DDX10: variants seen among roughly 807,000 people sequenced by gnomAD.
The protein encoded by DDX10 is DEAD-box helicase 10, also known as probable ATP-dependent RNA helicase DDX10.
In DDX10, 74 loss-of-function variants were observed where a neutral mutation model predicts 104.3. The ratio of observed to expected loss-of-function variants is 0.71; its 90% CI spans 0.59 to 0.86. The LOEUF (loss-of-function observed/expected upper bound fraction) is 0.86. DDX10 is among the 40% of genes least tolerant of loss of function. The pLI is 0.00. For synonymous variants in DDX10, 351 were observed against 353.4 expected, an observed-to-expected ratio of 0.99 and a Z score of 0.08; for missense variants, 952 against 1,040.0, an observed-to-expected ratio of 0.92 and a Z score of 1.16.
chr11:108,692,786 T>C (rs1328553563), intron 8 of DDX10, among the ~76,000 whole-genome samples: 1 of 152,192 alleles, frequency 6.6e-6, no homozygotes, highest in Non-Finnish European at 1.5e-5. Flanking sequence ...TACAGTAGCA[T>C]GATCATAGCT....
rs550934605 is a variant in DDX10 at position 108,810,973 on chromosome 11, T to A, written c.1966-27473T>A. On this transcript the variant is annotated intron_variant, in intron 13 of 17. Coordinates refer to ENST00000322536, the MANE Select transcript of DDX10 (RefSeq NM_004398.4). ...TACTTTTTCTCATAGTACTTAAACATTCTTATCATTTTTCCTTGTCTATCT... is the reference window on the plus strand; with the variant it reads ...TACTTTTTCTCATAGTACTTAAACAATCTTATCATTTTTCCTTGTCTATCT... Among the ~76,000 whole-genome samples the A allele has an allele frequency of 2.0e-5, 3 of 152,278 alleles. No individual in the cohort carries two copies. The East Asian group carries it at 5.8e-4, about 29-fold the overall frequency.
intron 16 of DDX10, among the ~76,000 whole-genome samples, chr11:108,860,316 C>G (rs1050501774): frequency 1.3e-5 from 2 of 152,048 alleles, no homozygotes; most frequent in African/African-American, 2.4e-5. Flanking sequence ...ATTCAGAGTA[C>G]TTTTTTGTCT....
intron 16 of DDX10, among the ~76,000 whole-genome samples, chr11:108,873,699 A>G (rs1027474777): frequency 4.0e-4 from 61 of 152,348 alleles, no homozygotes; most frequent in African/African-American, 1.4e-3. Flanking sequence ...TCCAAGAAGG[A>G]GAATTCAGAC....
At chr11:108,872,827 C>T (rs1019940549) in intron 16 of DDX10, among the ~76,000 whole-genome samples, 4 of 150,276 alleles carry the variant, frequency 2.7e-5, no homozygotes, top group Admixed American at 1.3e-4. Flanking sequence ...CGTTCCCCCC[C>T]CCTCCCATTT....
At chr11:108,692,731 T>G (rs1460864048) in intron 8 of DDX10, among the ~76,000 whole-genome samples, 4 of 152,164 alleles carry the variant, frequency 2.6e-5, no homozygotes, top group Non-Finnish European at 5.9e-5. Context: ...CTTGGAGTAC[T>G]CTAAAGCATA....
intron 17 of DDX10, among the ~76,000 whole-genome samples, chr11:108,927,635 C>CTTTTTTTTTTT (rs147115643): frequency 6.8e-6 from 1 of 146,512 alleles, no homozygotes; most frequent in African/African-American, 2.5e-5. Context: ...GCACTTGGAA[C>CTTTTTTTTTTT]TTTTTTTTTT....
intron 13 of DDX10, among the ~76,000 whole-genome samples, chr11:108,830,130 T>A (rs1332926073): frequency 1.3e-5 from 2 of 152,246 alleles, no homozygotes; most frequent in Non-Finnish European, 1.5e-5. Flanking sequence ...GGAGTTGCAT[T>A]GAATTTGTAG....
intron 13 of DDX10, among the ~76,000 whole-genome samples, chr11:108,754,083 T>C (rs1565268373): frequency 6.6e-6 from 1 of 152,076 alleles, no homozygotes. Context: ...GTTTTGATGC[T>C]GATTTATGTT....
chr11:108,751,375 A>G lies in DDX10; in HGVS notation c.1965+27913A>G, dbSNP rs530453365. 7.9e-5 allele frequency among the ~76,000 whole-genome samples: 12 copies of G among 152,298 alleles called. No individual in the cohort carries two copies. In the South Asian group the frequency reaches 2.3e-3, roughly 29 times the overall value. ...TTTACTTTATTTACAAGATTTTGTT[A>G]TAATCAAATGAAACTTTCCATGAGT... On this transcript the variant is annotated intron_variant, in intron 13 of 17. Coordinates refer to ENST00000322536, the MANE Select transcript of DDX10 (RefSeq NM_004398.4).
intron 17 of DDX10, among the ~76,000 whole-genome samples, chr11:108,933,784 A>G (rs1864003932): frequency 6.6e-6 from 1 of 152,222 alleles, no homozygotes; most frequent in African/African-American, 2.4e-5. Context: ...TCTATGCTGC[A>G]AAGAAGATAA....
chr11:108,753,848 A>G (rs2134507928), intron 13 of DDX10, among the ~76,000 whole-genome samples: 1 of 152,114 alleles, frequency 6.6e-6, no homozygotes, highest in African/African-American at 2.4e-5. Context: ...AGTAGTATTT[A>G]TAGGCTTAAT....
In DDX10 at chr11:108,693,534, G is replaced by T; in HGVS notation, c.1157G>T (p.Trp386Leu). ...TCTGTAGATTTCCCGGCCGTGAATT[G>T]GGTTCTTCAGTTTGATTGTCCTGAG... ...ARGLDFPAVNWVLQFDCPEDA... is the reference protein window; with the variant it reads ...ARGLDFPAVNLVLQFDCPEDA... The change falls in exon 9 of 18, where the codon TGG becomes TTG. Residue 386 changes from tryptophan (W) to leucine (L), a missense_variant. Physicochemically the swap from Trp to Leu is moderately conservative, Grantham distance 61. Coordinates refer to ENST00000322536, the MANE Select transcript of DDX10 (RefSeq NM_004398.4). 2 of 1,614,104 alleles carry T rather than the reference G, an allele frequency of 1.2e-6. No individual in the cohort carries two copies. The highest frequency in any genetic ancestry group is 1.7e-6 in the Non-Finnish European group (2 of 1,179,980).
At chr11:108,685,353 G>A (rs548815109) in intron 6 of DDX10, among the ~76,000 whole-genome samples, 24 of 151,434 alleles carry the variant, frequency 1.6e-4, no homozygotes, top group African/African-American at 4.8e-4. Context: ...GACCCCTTGC[G>A]CTTCCCAGGT....
intron 13 of DDX10, among the ~76,000 whole-genome samples, chr11:108,821,279 T>C (rs1448083076): frequency 3.3e-5 from 5 of 152,232 alleles, no homozygotes; most frequent in Non-Finnish European, 7.3e-5. Context: ...TCAAGCATAT[T>C]GATAGGTCTT....
At chr11:108,878,538 A>G (rs1487246492) in intron 16 of DDX10, among the ~76,000 whole-genome samples, 1 of 152,220 alleles carries the variant, frequency 6.6e-6, no homozygotes, top group African/African-American at 2.4e-5. Context: ...AAATTAAATT[A>G]TGATTATTTA....
chr11:108,898,014 C>A (rs951557451), intron 16 of DDX10, among the ~76,000 whole-genome samples: 1 of 152,036 alleles, frequency 6.6e-6, no homozygotes, highest in Non-Finnish European at 1.5e-5. Flanking sequence ...AGAGATAGTT[C>A]CCATGATCCT....
At chr11:108,842,046 A>G (rs1862645699) in intron 15 of DDX10, among the ~76,000 whole-genome samples, 2 of 152,196 alleles carry the variant, frequency 1.3e-5, no homozygotes, top group South Asian at 2.1e-4. Flanking sequence ...ATAAATTTCC[A>G]TATCAATTAC....
intron 15 of DDX10, among the ~76,000 whole-genome samples, chr11:108,844,739 G>A (rs1034964793): frequency 2.0e-5 from 3 of 152,018 alleles, no homozygotes; most frequent in Non-Finnish European, 2.9e-5. Context: ...AAAAATTAGG[G>A]AGTAGGAGTG....
chr11:108,705,929 A>C (rs1174652074), intron 9 of DDX10, among the ~76,000 whole-genome samples: 1 of 152,186 alleles, frequency 6.6e-6, no homozygotes, highest in East Asian at 1.9e-4. Context: ...AGGGAAGAGA[A>C]GTAACATGGA....
Sources: gnomAD v4.1 joint callset for allele counts (sites outside exome capture counted in the v4.1 genomes callset) on GRCh38, gnomAD v4.1.1 for gene constraint, MANE v1.5 for transcripts, NCBI Gene and HGNC (gene_info 2026-07-23, HGNC 2026-07-21) for gene names.